Variants in FHIP2A observed in about 807,000 individuals in gnomAD.
FHIP2A encodes FHF complex subunit HOOK interacting protein 2A, also known as family with sequence similarity 160 member B1.
FHIP2A carries 46 observed loss-of-function variants against 93.5 expected under a neutral mutation model. The ratio of observed to expected loss-of-function variants is 0.49; its 90% CI spans 0.39 to 0.63. The LOEUF (loss-of-function observed/expected upper bound fraction) is 0.63, where lower values mean the gene tolerates loss of function less well. FHIP2A is among the 20% of genes least tolerant of loss of function. FHIP2A has a pLI of 0.00. For synonymous variants in FHIP2A, 332 were observed against 326.5 expected, an observed-to-expected ratio of 1.02 and a Z score of -0.18; for missense variants, 769 against 909.7, an observed-to-expected ratio of 0.85 and a Z score of 1.99.
chr10:114,845,630 G>T, intron 8 of FHIP2A, 149 bp downstream of exon 8: 1 of 599,996 alleles, frequency 1.7e-6, no homozygotes. Flanking sequence ...GTGTATATGT[G>T]TTTGTATGTG....
At chr10:114,857,314 C>CTTTTTTTTT (rs78583275) in intron 14 of FHIP2A, among the ~76,000 whole-genome samples, 3 of 120,706 alleles carry the variant, frequency 2.5e-5, no homozygotes, top group Non-Finnish European at 5.4e-5. Context: ...ATTTCTTCTT[C>CTTTTTTTTT]TTTTTTTTTT....
intron 16 of FHIP2A, among the ~76,000 whole-genome samples, chr10:114,870,334 C>G (rs938157693): frequency 2.0e-5 from 3 of 152,120 alleles, no homozygotes; most frequent in African/African-American, 7.2e-5. Flanking sequence ...GAAATCCTTA[C>G]ATCACCATGG....
intron 14 of FHIP2A, 152 bp downstream of exon 14, chr10:114,855,492 C>G: frequency 1.5e-6 from 1 of 669,866 alleles, no homozygotes. Flanking sequence ...TTGCCAACAA[C>G]TGGCAGATTT....
chr10:114,843,650 T>TGAAA (rs2083682843), intron 6 of FHIP2A, 91 bp from the exon 7 acceptor site: 3 of 1,000,532 alleles, frequency 3.0e-6, no homozygotes, highest in Non-Finnish European at 4.1e-6. Context: ...TCTTTTAGTG[T>TGAAA]GAAACATTAA....
intron 5 of FHIP2A, among the ~76,000 whole-genome samples, chr10:114,839,191 A>G (rs543164575): frequency 6.6e-6 from 1 of 152,060 alleles, no homozygotes; most frequent in Admixed American, 6.6e-5. Flanking sequence ...GCAGTGGTGC[A>G]ATCTCGGCTC....
intron 13 of FHIP2A, 152 bp downstream of exon 13, chr10:114,848,889 TC>T: frequency 1.7e-6 from 1 of 587,314 alleles, no homozygotes; most frequent in Non-Finnish European, 3.0e-6. Context: ...ACACCTGTAA[TC>T]CCAGCACTTT....
intron 16 of FHIP2A, 28 bp from the exon 17 acceptor site, chr10:114,861,407 G>A: frequency 6.2e-7 from 1 of 1,613,894 alleles, no homozygotes. Flanking sequence ...ATCTTGAATT[G>A]ATTTATTGTC....
chr10:114,895,852 CATG>C (rs1437153882), intron 16 of FHIP2A, among the ~76,000 whole-genome samples: 11 of 152,320 alleles, frequency 7.2e-5, no homozygotes, highest in Admixed American at 7.2e-4. Context: ...CTTGGTAGCA[CATG>C]ATGTAAGGCA....
chr10:114,839,187 G>C (rs926344797), intron 5 of FHIP2A, among the ~76,000 whole-genome samples: 3 of 152,056 alleles, frequency 2.0e-5, no homozygotes, highest in African/African-American at 7.2e-5. Flanking sequence ...TAGTGCAGTG[G>C]TGCAATCTCG....
intron 5 of FHIP2A, among the ~76,000 whole-genome samples, chr10:114,839,410 AG>A (rs2083655113): frequency 2.0e-5 from 3 of 152,180 alleles, no homozygotes; most frequent in African/African-American, 7.2e-5. Context: ...TATAGGCATT[AG>A]CCACCATGGC....
At position 114,861,345 on chromosome 10, in the gene FHIP2A, G is replaced by A. The variant is rs1324413264; in HGVS notation, c.2192+11G>A. The A allele has an allele frequency of 6.2e-7, 1 of 1,613,534 alleles. No individual in the cohort carries two copies. The highest frequency in any genetic ancestry group is 8.5e-7 in the Non-Finnish European group (1 of 1,179,924). On this transcript the variant is annotated intron_variant, in intron 16 of 16. Transcript: ENST00000369248. ...ACCTGAAGGCCCTATGTAAGTTAGT[G>A]TTTTACATTTTTTTAATCCAAAAAT...
downstream of FHIP2A, among the ~76,000 whole-genome samples, chr10:114,869,634 AC>A (rs1305844613): frequency 2.0e-5 from 3 of 152,332 alleles, no homozygotes; most frequent in East Asian, 5.8e-4. Flanking sequence ...ATAAAGACTT[AC>A]ATTTTCCATA....
chr10:114,847,293 T>C, intron 12 of FHIP2A, 60 bp downstream of exon 12: 12 of 1,489,136 alleles, frequency 8.1e-6, no homozygotes, highest in Non-Finnish European at 1.1e-5. Context: ...TGTTTATTAG[T>C]ATTATTATTT....
In FHIP2A at chr10:114,857,593, AACC is replaced by A. The variant is rs529785277; in HGVS notation, c.1947+2259_1947+2261del. ...CCAAAGTCCTGGGATTACAGGCATG[AACC>A]ACCACGCCTGGCCTTCTTCTTTCTT... On this transcript the variant is annotated intron_variant, in intron 14 of 16. Coordinates refer to ENST00000369248, the MANE Select transcript of FHIP2A (RefSeq NM_020940.4). Among the ~76,000 whole-genome samples, 157 of 151,712 alleles carry A rather than the reference AACC, an allele frequency of 1.0e-3. 1 individual carries two copies. The highest frequency in any genetic ancestry group is 2.9e-3 in the African/African-American group (122 of 41,360).
At chr10:114,894,855 TCTA>T (rs574440375) in intron 16 of FHIP2A, among the ~76,000 whole-genome samples, 54 of 152,362 alleles carry the variant, frequency 3.5e-4, no homozygotes, top group Admixed American at 2.5e-3. Flanking sequence ...GTTAATTTCT[TCTA>T]CTATCTTTTT....
Position 114,833,419 on chromosome 10 carries a change from C to T in FHIP2A, c.294+17C>T. On this transcript the variant is annotated intron_variant, in intron 3 of 16. Transcript: ENST00000369248. The stretch of plus-strand genomic sequence containing the variant: ...AAAGCTGATGTAAGTTCCTGATCCA[C>T]ACCATGTTCTTGGGCATTAGTACAT... 5.0e-6 allele frequency: 8 copies of T among 1,610,086 alleles called. No individual in the cohort carries two copies. The highest frequency in any genetic ancestry group is 6.8e-6 in the Non-Finnish European group (8 of 1,176,798).
chr10:114,890,216 C>T (rs1592035827), intron 16 of FHIP2A, among the ~76,000 whole-genome samples: 3 of 151,844 alleles, frequency 2.0e-5, no homozygotes, highest in African/African-American at 2.4e-5. Context: ...TTAGTAGAGA[C>T]GAGGTTTCGC....
At chr10:114,894,370 G>T (rs1182438550) in intron 16 of FHIP2A, among the ~76,000 whole-genome samples, 1 of 140,464 alleles carries the variant, frequency 7.1e-6, no homozygotes, top group African/African-American at 2.7e-5. Context: ...ACCAGCCTGG[G>T]CAACACAGCA....
intron 16 of FHIP2A, among the ~76,000 whole-genome samples, chr10:114,874,966 A>T (rs940559993): frequency 5.9e-5 from 9 of 152,238 alleles, no homozygotes; most frequent in African/African-American, 2.2e-4. Context: ...AACACAGGAA[A>T]ACCCACGTTG....
Sources: gnomAD v4.1 joint callset for allele counts (sites outside exome capture counted in the v4.1 genomes callset) on GRCh38, gnomAD v4.1.1 for gene constraint, MANE v1.5 for transcripts, NCBI Gene and HGNC (gene_info 2026-07-23, HGNC 2026-07-21) for gene names.